The following PRKCSH variants were observed in gnomAD, a reference collection of about 807,000 sequenced individuals.
The protein encoded by PRKCSH is PRKCSH beta subunit of glucosidase II.
Under a neutral mutation model 79.7 loss-of-function variants are expected in PRKCSH, and 42 were observed. That is an observed-to-expected ratio of 0.53 (90% CI 0.41 to 0.68). PRKCSH has a LOEUF of 0.68. Among genes scored for constraint, PRKCSH ranks in the 30% least tolerant of loss-of-function variants. The probability of loss-of-function intolerance (pLI) is 0.00; values close to 1 mark genes in which losing one functional copy is unlikely to be tolerated. For missense variants in PRKCSH, 686 were observed against 709.0 expected (o/e 0.97, Z 0.37); for synonymous variants, 325 against 288.2 (o/e 1.13, Z -1.29).
In PRKCSH at chr19:11,448,180, G is replaced by T. The variant is rs750605469; in HGVS notation, c.1127-42G>T. The T allele has an allele frequency of 7.1e-5, 110 of 1,538,880 alleles. 1 individual carries two copies. In the South Asian group the frequency reaches 1.2e-3, roughly 17 times the overall value. On this transcript the variant is annotated intron_variant, in intron 12 of 17. Coordinates refer to ENST00000677123, the MANE Select transcript of PRKCSH (RefSeq NM_001289104.2). The surrounding 1 kb of genome is among the most constrained non-coding windows in gnomAD (Gnocchi z 4.4). ...TGGAACCCCGTTCCCCATCCTCCTGGATGGGGTTGAGGACATCTCTGACCT... is the reference window on the plus strand; with the variant it reads ...TGGAACCCCGTTCCCCATCCTCCTGTATGGGGTTGAGGACATCTCTGACCT...
In PRKCSH at chr19:11,448,499, C is replaced by T. The variant is rs770213011; in HGVS notation, c.1197-41C>T. The stretch of plus-strand genomic sequence containing the variant: ...TCTGTCGTCCTGGGTCAGGCACTGG[C>T]GTCCCCAGCTGCCCCTTAACCGCTC... On this transcript the variant is annotated intron_variant, in intron 13 of 17. Coordinates refer to ENST00000677123, the MANE Select transcript of PRKCSH (RefSeq NM_001289104.2). The surrounding 1 kb of genome is among the most constrained non-coding windows in gnomAD (Gnocchi z 4.4). 5.1e-6 allele frequency: 8 copies of T among 1,568,000 alleles called. No homozygotes were observed. The highest frequency in any genetic ancestry group is 2.2e-5 in the South Asian group (2 of 90,144).
At chr19:11,442,628 T>C in intron 7 of PRKCSH, 113 bp downstream of exon 7, 1 of 1,485,922 alleles carries the variant, frequency 6.7e-7, no homozygotes, top group East Asian at 2.5e-5. Flanking sequence ...TTGATCATGC[T>C]GCCCATCGCC....
rs1321965147 is a variant in PRKCSH, at chr19:11,436,428, T to C, written c.119T>C (p.Leu40Pro). ...FYDESKPFTC[L>P]DGSATIPFDQ... The stretch of plus-strand genomic sequence containing the variant: ...GATGAGTCCAAGCCTTTCACCTGCC[T>C]GGACGGTTCGGCCACCATCCCATTT... The change falls in exon 3 of 18, where the codon CTG becomes CCG. Residue 40 changes from leucine (L) to proline (P), a missense_variant. By Grantham distance (98) the Leu-to-Pro change is moderately conservative (BLOSUM62 -3). Coordinates refer to ENST00000677123, the MANE Select transcript of PRKCSH (RefSeq NM_001289104.2). The C allele has an allele frequency of 6.2e-7, 1 of 1,614,102 alleles. No homozygotes were observed. Among genetic ancestry groups the C allele is most frequent in the Non-Finnish European group, 8.5e-7 (1 of 1,180,042 alleles).
At chr19:11,437,037 G>C (rs456854) in intron 3 of PRKCSH, among the ~76,000 whole-genome samples, 2 of 149,610 alleles carry the variant, frequency 1.3e-5, no homozygotes, top group Admixed American at 6.6e-5. Context: ...CCGTGTCTTT[G>C]GTTTTGTTTT....
Position 11,447,115 on chromosome 19 carries a change from C to G in PRKCSH, c.804C>G (p.Phe268Leu). Residue 268 changes from phenylalanine to leucine, a missense_variant, in exon 10 of 18, where the codon TTC becomes TTG. This residue lies in a region of PRKCSH where 549 missense variants were observed against 520.2 expected (regional missense o/e 1.06). Transcript: ENST00000677123. This position sits in a 1 kb window ranked among gnomAD's most constrained non-coding sequence, Gnocchi z 5.6. ...ACACACAGACAGACGCCACCTCTTT[C>G]TACGACCGCGTCTGGGCCGCCATCA... The part of the protein sequence containing the change: ...SGDTQTDATS[F>L]YDRVWAAIRD... The G allele has an allele frequency of 1.2e-6, 2 of 1,614,012 alleles. No homozygotes were observed. Among genetic ancestry groups the G allele is most frequent in the Non-Finnish European group, 1.7e-6 (2 of 1,179,886 alleles).
In PRKCSH at chr19:11,435,688, A is replaced by G; in HGVS notation, c.-96A>G. 7.6e-7 allele frequency: 1 copy of G among 1,308,956 alleles called. No homozygotes were observed. The highest frequency in any genetic ancestry group is 1.0e-6 in the Non-Finnish European group (1 of 1,002,644). The allele number at this position is 1,308,956 out of a possible 1,614,324, so 81.1% of individuals were successfully genotyped here. A position where few individuals can be genotyped will look rare whatever the true frequency, so the allele number is the denominator to read the frequency against. On this transcript the variant is annotated 5_prime_UTR_variant, in exon 1 of 18. Transcript: ENST00000677123. Reference sequence around the variant, plus strand: ...GACAAGAGGGGTGCGGTGGATACTGACCTTTGCTCCGGCCTCGTGTAGGTG... The same window carrying G: ...GACAAGAGGGGTGCGGTGGATACTGGCCTTTGCTCCGGCCTCGTGTAGGTG...
intron 5 of PRKCSH, among the ~76,000 whole-genome samples, chr19:11,438,552 C>G (rs539916195): frequency 2.6e-5 from 4 of 151,746 alleles, no homozygotes; most frequent in Non-Finnish European, 5.9e-5. Flanking sequence ...GTCAGGAGAT[C>G]GAGACCATCC....
Position 11,448,120 on chromosome 19 carries a change from C to A in PRKCSH, c.1127-102C>A. On this transcript the variant is annotated intron_variant, in intron 12 of 17. Transcript: ENST00000677123. The surrounding 1 kb of genome is among the most constrained non-coding windows in gnomAD (Gnocchi z 4.4). ...GTCGGGGTGAAGTCCTTGGCCAGAG[C>A]AAAATGAGGGTATGGGAGCACACAG... The A allele has an allele frequency of 7.8e-7, 1 of 1,282,894 alleles. No individual in the cohort carries two copies. The highest frequency in any genetic ancestry group is 1.1e-6 in the Non-Finnish European group (1 of 903,894). The allele number at this position is 1,282,894 out of a possible 1,614,324, so 79.5% of individuals were successfully genotyped here.
At position 11,449,454 on chromosome 19, in the gene PRKCSH, G is replaced by A. The variant is rs774755050; in HGVS notation, c.*16+26G>A. On this transcript the variant is annotated intron_variant, in intron 17 of 17. Transcript: ENST00000677123. The surrounding 1 kb of genome is among the most constrained non-coding windows in gnomAD (Gnocchi z 6.4). ...GTGGGCGGGGAGGTGGAGTCTCGTC[G>A]GCCTGCCCCAGCAAGGGGAGGCGGC... The A allele has an allele frequency of 2.8e-5, 45 of 1,612,050 alleles. No individual in the cohort carries two copies. The highest frequency in any genetic ancestry group is 3.5e-5 in the Non-Finnish European group (41 of 1,179,622).
rs1027752391 is a variant in PRKCSH at position 11,441,612 on chromosome 19, C to T, written c.468+255C>T. 2.6e-5 allele frequency among the ~76,000 whole-genome samples: 4 copies of T among 152,310 alleles called. No homozygotes were observed. In the South Asian group the frequency reaches 8.3e-4, roughly 32 times the overall value. On this transcript the variant is annotated intron_variant, in intron 6 of 17. Transcript: ENST00000677123. ...AGACTAAAGCAGGCTGGAAGGGCCT[C>T]TCTGCCTCCTGGGGATGGGAGGGTT...
rs745371440 is a variant in PRKCSH at position 11,446,368 on chromosome 19, T to A, written c.762+18T>A. 12 of 1,609,182 alleles carry A rather than the reference T, an allele frequency of 7.5e-6. No individual in the cohort carries two copies. The highest frequency in any genetic ancestry group is 1.0e-5 in the Non-Finnish European group (12 of 1,177,710). ...AAGCTCAGGTACCCCCGGCTGCCCC[T>A]TGGTTGGGGACTTCTAGGGAGCATT... On this transcript the variant is annotated intron_variant, in intron 9 of 17. Transcript: ENST00000677123.
At position 11,448,095 on chromosome 19, in the gene PRKCSH, G is replaced by A; in HGVS notation, c.1127-127G>A. On this transcript the variant is annotated intron_variant, in intron 12 of 17. Transcript: ENST00000677123. The surrounding 1 kb of genome is among the most constrained non-coding windows in gnomAD (Gnocchi z 4.4). ...TATAGCTGGTGAGGCCCTCAAGGCT[G>A]TCGGGGTGAAGTCCTTGGCCAGAGC... The A allele has an allele frequency of 4.7e-6, 5 of 1,056,866 alleles. No individual in the cohort carries two copies. Among genetic ancestry groups the A allele is most frequent in the South Asian group, 1.4e-5 (1 of 72,916 alleles). 65.5% of individuals were successfully genotyped at this position (1,056,866 alleles called of 1,614,324 possible).
At chr19:11,438,539 G>A (rs1488337859) in intron 5 of PRKCSH, among the ~76,000 whole-genome samples, 2 of 151,944 alleles carry the variant, frequency 1.3e-5, no homozygotes, top group Non-Finnish European at 2.9e-5. Context: ...GGCGGATCAC[G>A]AGGTCAGGAG....
At chr19:11,444,056 G>A (rs1387982906) in intron 7 of PRKCSH, among the ~76,000 whole-genome samples, 1 of 152,204 alleles carries the variant, frequency 6.6e-6, no homozygotes, top group African/African-American at 2.4e-5. Flanking sequence ...ACAGGCATGA[G>A]CCACGGTGCC....
rs756238324 is a variant in PRKCSH, at chr19:11,438,074, C to T, written c.300C>T (p.Cys100=). The T allele has an allele frequency of 9.3e-6, 15 of 1,613,966 alleles. No individual in the cohort carries two copies. Among genetic ancestry groups the T allele is most frequent in the Admixed American group, 1.7e-5 (1 of 59,974 alleles). Residue 100 remains cysteine, a synonymous_variant, in exon 5 of 18, where the codon TGC becomes TGT. Transcript: ENST00000677123. The stretch of plus-strand genomic sequence containing the variant: ...CTTCTGCCTCTGCCACAGACTGCTG[C>T]GATGGAACAGACGAGTACAACAGCG... ...NRVNDGVCDC[C]DGTDEYNSGV...
Position 11,447,552 on chromosome 19 carries a change from GGA to G in PRKCSH, c.965_966del (p.Glu322GlyfsTer5). On this transcript the variant is annotated frameshift_variant, in exon 11 of 18. Transcript: ENST00000677123. LOFTEE classifies it high-confidence loss of function. This position sits in a 1 kb window ranked among gnomAD's most constrained non-coding sequence, Gnocchi z 5.6. ...TEEEEEEEEE[E>X]EEEAEEEEEE... ...AGGAGGAGGAGGAGGAGGAGGAGGA[GGA>G]GGAAGAAGAGGCTGAAGAAGAGGAG... 6.6e-7 allele frequency: 1 copy of G among 1,526,018 alleles called. No individual in the cohort carries two copies. Among genetic ancestry groups the G allele is most frequent in the African/African-American group, 1.4e-5 (1 of 73,972 alleles). The allele number at this position is 1,526,018 out of a possible 1,614,324, so 94.5% of individuals were successfully genotyped here.
rs544954891 is a variant in PRKCSH at position 11,441,217 on chromosome 19, G to A, written c.351-23G>A. ...GGATCCTAAGTGCCCCACTGGTGGT[G>A]CCTGTGTGTCTCCGCACCGCAGAGA... On this transcript the variant is annotated intron_variant, in intron 5 of 17. Transcript: ENST00000677123. 1.9e-6 allele frequency: 3 copies of A among 1,612,168 alleles called. No homozygotes were observed. The African/African-American group carries it at 4.0e-5, about 21-fold the overall frequency.
chr19:11,438,619 G>A (rs1462094662), intron 5 of PRKCSH, among the ~76,000 whole-genome samples: 2 of 151,930 alleles, frequency 1.3e-5, no homozygotes, highest in Non-Finnish European at 2.9e-5. Flanking sequence ...GCTGGGTGTG[G>A]TGGCGGGCGC....
intron 8 of PRKCSH, chr19:11,445,744 A>G: frequency 1.9e-6 from 1 of 539,742 alleles, no homozygotes; most frequent in South Asian, 2.0e-5. Flanking sequence ...TAGTGATCGG[A>G]TGGCTTTTCC....
Sources: gnomAD v4.1 joint callset for allele counts (sites outside exome capture counted in the v4.1 genomes callset) on GRCh38, gnomAD v4.1.1 for gene constraint, gnomAD v4.1.1 regional missense constraint, Gnocchi (gnomAD v3.1) non-coding constraint, MANE v1.5 for transcripts, NCBI Gene and HGNC (gene_info 2026-07-23, HGNC 2026-07-21) for gene names.